The following OTOGL variants were observed in gnomAD, a reference collection of about 807,000 sequenced individuals.
The protein encoded by OTOGL is otogelin-like protein.
Under a neutral mutation model 318.5 loss-of-function variants are expected in OTOGL, and 285 were observed. That is an observed-to-expected ratio of 0.89 (90% CI 0.81 to 0.99). The LOEUF (loss-of-function observed/expected upper bound fraction) is 0.99. OTOGL is among the 50% of genes least tolerant of loss of function. The pLI, the probability that OTOGL is intolerant of heterozygous loss-of-function variation, is 0.00. For synonymous variants in OTOGL, 987 were observed against 936.5 expected (o/e 1.05, Z -0.99); for missense variants, 2,899 against 2,845.6 (o/e 1.02, Z -0.43).
intron 1 of OTOGL, among the ~76,000 whole-genome samples, chr12:80,102,296 A>G (rs897956419): frequency 3.3e-5 from 5 of 152,224 alleles, no homozygotes; most frequent in African/African-American, 4.8e-5. Context: ...TGCACCTAGA[A>G]CAGTGCCAGG....
Position 80,271,697 on chromosome 12 carries a change from C to G in OTOGL, c.2568C>G (p.Asp856Glu), listed in dbSNP as rs763268103. 1 of 1,613,078 alleles carries G rather than the reference C, an allele frequency of 6.2e-7. No individual in the cohort carries two copies. Among genetic ancestry groups the G allele is most frequent in the Non-Finnish European group, 8.5e-7 (1 of 1,179,426 alleles). Reference sequence around the variant, plus strand: ...AGTATTTCGACTGCAGGTTTCCTGACCCTGAATTACCAGCTGGTGGTGTTA... The same window carrying G: ...AGTATTTCGACTGCAGGTTTCCTGAGCCTGAATTACCAGCTGGTGGTGTTA... ...GKEYFDCRFP[D>E]PELPAGGVNC... The change falls in exon 24 of 59, where the codon GAC becomes GAG. Residue 856 changes from aspartate (D) to glutamate (E), a missense_variant. Physicochemically the swap from Asp to Glu is conservative, Grantham distance 45 (BLOSUM62 2). Around this residue, in one of 3 missense-constraint regions of OTOGL, gnomAD observed 2,607 missense variants for 2,524.9 expected, o/e 1.03. Transcript: ENST00000547103.
At chr12:80,345,125 ATATAT>A (rs1210600277) in intron 44 of OTOGL, among the ~76,000 whole-genome samples, 3 of 126,052 alleles carry the variant, frequency 2.4e-5, no homozygotes, top group Non-Finnish European at 4.9e-5. Flanking sequence ...TTATTATGTT[ATATAT>A]TATAATATAT....
chr12:80,229,561 G>C (rs1879183407), intron 8 of OTOGL, among the ~76,000 whole-genome samples, 183 bp downstream of exon 8: 1 of 151,964 alleles, frequency 6.6e-6, no homozygotes, highest in African/African-American at 2.4e-5. Context: ...GTGGTCAAGA[G>C]TACAGTAAGT....
At chr12:80,191,719 T>C (rs554750634) in intron 1 of OTOGL, among the ~76,000 whole-genome samples, 4 of 152,292 alleles carry the variant, frequency 2.6e-5, no homozygotes, top group Admixed American at 2.0e-4. Context: ...ACCAATTACA[T>C]TGTAACAGAA....
At chr12:80,132,582 C>T (rs1871307338) in intron 1 of OTOGL, 3 of 152,144 alleles carry the variant, frequency 2.0e-5, no homozygotes, top group Non-Finnish European at 4.4e-5. Context: ...TTTATATTAC[C>T]TTCTCTTTCA....
intron 1 of OTOGL, among the ~76,000 whole-genome samples, chr12:80,166,385 G>A (rs1873832347): frequency 6.6e-6 from 1 of 152,090 alleles, no homozygotes; most frequent in Non-Finnish European, 1.5e-5. Context: ...TTTCATTTGT[G>A]TAATCTAAGT....
Position 80,368,280 on chromosome 12 carries a change from AT to A in OTOGL, c.6587del (p.Met2196ArgfsTer11). The A allele has an allele frequency of 6.3e-7, 1 of 1,596,628 alleles. No individual in the cohort carries two copies. Among genetic ancestry groups the A allele is most frequent in the South Asian group, 1.1e-5 (1 of 88,622 alleles). On this transcript the variant is annotated frameshift_variant, in exon 55 of 59. Coordinates refer to ENST00000547103, the MANE Select transcript of OTOGL (RefSeq NM_001378609.3). LOFTEE classifies it high-confidence loss of function. Reference sequence around the variant, plus strand: ...CAAAAATGTATCCTGCAAATTTCACATGGAAAATGGAACATCAGTTGTATAC... The same window carrying A: ...CAAAAATGTATCCTGCAAATTTCACAGGAAAATGGAACATCAGTTGTATAC... The part of the protein sequence containing the change: ...TCKNVSCKFH[M>X]ENGTSVVYAV...
At chr12:80,120,574 G>A (rs1375034546) in intron 1 of OTOGL, among the ~76,000 whole-genome samples, 4 of 151,950 alleles carry the variant, frequency 2.6e-5, no homozygotes, top group Admixed American at 1.3e-4. Context: ...TCTCATTGGA[G>A]GATCTCTCCA....
chr12:80,118,705 A>G (rs907227649), intron 1 of OTOGL, among the ~76,000 whole-genome samples: 5 of 152,172 alleles, frequency 3.3e-5, no homozygotes, highest in Non-Finnish European at 7.4e-5. Context: ...AATGACTCTT[A>G]TTGCATGTAA....
At chr12:80,277,078 C>T (rs1162207844) in intron 24 of OTOGL, among the ~76,000 whole-genome samples, 3 of 149,060 alleles carry the variant, frequency 2.0e-5, no homozygotes, top group Non-Finnish European at 3.0e-5. Flanking sequence ...TATACCTTAT[C>T]TATTTTAGGA....
chr12:80,190,786 C>CAAAAAA (rs55950528), intron 1 of OTOGL, among the ~76,000 whole-genome samples: 6 of 73,662 alleles, frequency 8.1e-5, no homozygotes, highest in African/African-American at 4.7e-4. Context: ...GACTCCGTCT[C>CAAAAAA]AAAAAAAAAA....
intron 1 of OTOGL, among the ~76,000 whole-genome samples, chr12:80,152,042 G>T (rs190712279): frequency 6.6e-6 from 1 of 152,238 alleles, no homozygotes; most frequent in African/African-American, 2.4e-5. Context: ...TAGATCTGAG[G>T]CCTCTTTCTA....
intron 11 of OTOGL, among the ~76,000 whole-genome samples, chr12:80,251,246 A>G (rs764622256): frequency 6.6e-6 from 1 of 152,208 alleles, no homozygotes; most frequent in Non-Finnish European, 1.5e-5. Flanking sequence ...GATAATCAAG[A>G]GTATGATCTT....
At position 80,356,602 on chromosome 12, in the gene OTOGL, C is replaced by T. The variant is rs1433456235; in HGVS notation, c.5911+82C>T. On this transcript the variant is annotated intron_variant, in intron 48 of 58. Coordinates refer to ENST00000547103, the MANE Select transcript of OTOGL (RefSeq NM_001378609.3). ...AATTAGATTCTCATTCATTGTGTCT[C>T]CAAGAGAATGATTTATTATAAAAGA... 6 of 1,141,166 alleles carry T rather than the reference C, an allele frequency of 5.3e-6. No individual in the cohort carries two copies. In the African/African-American group the frequency reaches 8.0e-5, roughly 15 times the overall value. 70.7% of individuals were successfully genotyped at this position (1,141,166 alleles called of 1,614,324 possible).
At chr12:80,262,973 C>T (rs149042458) in intron 19 of OTOGL, among the ~76,000 whole-genome samples, 1 of 152,144 alleles carries the variant, frequency 6.6e-6, no homozygotes. Flanking sequence ...ACGGATCATG[C>T]GGTGGTTGTT....
At chr12:80,155,333 G>A (rs931092035) in intron 1 of OTOGL, among the ~76,000 whole-genome samples, 2 of 151,996 alleles carry the variant, frequency 1.3e-5, no homozygotes, top group Non-Finnish European at 2.9e-5. Flanking sequence ...CTTTGATGTT[G>A]TATCTAAAAA....
chr12:80,108,801 GTA>G (rs201382053), intron 1 of OTOGL, among the ~76,000 whole-genome samples: 66,889 of 130,156 alleles, frequency 0.51, 17,819 homozygotes, highest in Middle Eastern at 0.6. Context: ...ATATATATAT[GTA>G]TATATATATG....
At chr12:80,162,470 C>T (rs750068599) in intron 1 of OTOGL, among the ~76,000 whole-genome samples, 110 of 151,984 alleles carry the variant, frequency 7.2e-4, no homozygotes, top group Non-Finnish European at 1.4e-3. Flanking sequence ...AAGAAAATAC[C>T]ACAAACTGAG....
At chr12:80,175,898 G>A (rs1274989821) in intron 1 of OTOGL, among the ~76,000 whole-genome samples, 1 of 152,208 alleles carries the variant, frequency 6.6e-6, no homozygotes, top group Non-Finnish European at 1.5e-5. Flanking sequence ...AAGAATTGAG[G>A]TTGACTTGAA....
Sources: gnomAD v4.1 joint callset for allele counts (sites outside exome capture counted in the v4.1 genomes callset) on GRCh38, gnomAD v4.1.1 for gene constraint, gnomAD v4.1.1 regional missense constraint, MANE v1.5 for transcripts, NCBI Gene and HGNC (gene_info 2026-07-23, HGNC 2026-07-21) for gene names.